The following GRHL2 variants were observed in gnomAD, a reference collection of about 807,000 sequenced individuals.
GRHL2 encodes the protein grainyhead-like protein 2 homolog.
GRHL2 carries 21 observed loss-of-function variants against 83.8 expected under a neutral mutation model. That is an observed-to-expected ratio of 0.25 (90% CI 0.18 to 0.36). The LOEUF (loss-of-function observed/expected upper bound fraction) is 0.36, where lower values mean the gene tolerates loss of function less well. Among genes scored for constraint, GRHL2 ranks in the 10% least tolerant of loss-of-function variants. GRHL2 has a pLI of 1.00. For synonymous variants in GRHL2, 280 were observed against 278.9 expected, an observed-to-expected ratio of 1.00 and a Z score of -0.04; for missense variants, 623 against 781.8, an observed-to-expected ratio of 0.80 and a Z score of 2.42.
intron 14 of GRHL2, among the ~76,000 whole-genome samples, chr8:101,650,753 C>T (rs1482941661): frequency 6.6e-6 from 1 of 151,720 alleles, no homozygotes; most frequent in Non-Finnish European, 1.5e-5. Flanking sequence ...TGTGAATCTA[C>T]TAAACAGCAC....
chr8:101,503,680 C>T (rs374231696), intron 1 of GRHL2, among the ~76,000 whole-genome samples: 2 of 152,044 alleles, frequency 1.3e-5, no homozygotes, highest in African/African-American at 4.8e-5. Flanking sequence ...ACCCTAAAAG[C>T]CTGGCTATCA....
intron 1 of GRHL2, among the ~76,000 whole-genome samples, chr8:101,505,665 T>C (rs1052080260): frequency 6.6e-6 from 1 of 151,978 alleles, no homozygotes. Context: ...TACAGTCTCC[T>C]TTTATCTTGT....
chr8:101,652,349 G>GTGTGTGTCTGATGT (rs753862872), intron 14 of GRHL2, among the ~76,000 whole-genome samples: 7 of 62,512 alleles, frequency 1.1e-4, no homozygotes, highest in African/African-American at 7.7e-4. Flanking sequence ...GTATGTGTGT[G>GTGTGTGTCTGATGT]GTGTGTGTGG....
At chr8:101,649,127 G>T (rs191987305) in intron 13 of GRHL2, among the ~76,000 whole-genome samples, 1 of 152,192 alleles carries the variant, frequency 6.6e-6, no homozygotes, top group Non-Finnish European at 1.5e-5. Flanking sequence ...AAAGAGATGC[G>T]ATGTACCCCT....
chr8:101,504,532 G>A (rs1810296001), intron 1 of GRHL2, among the ~76,000 whole-genome samples: 1 of 152,150 alleles, frequency 6.6e-6, no homozygotes, highest in East Asian at 1.9e-4. Flanking sequence ...GAATGTTCAT[G>A]GGAGAGACTT....
chr8:101,588,576 G>A (rs1812214706), intron 7 of GRHL2, among the ~76,000 whole-genome samples: 1 of 152,086 alleles, frequency 6.6e-6, no homozygotes, highest in Non-Finnish European at 1.5e-5. Context: ...GGCAGCCAGG[G>A]GTAAGTGGGA....
At chr8:101,679,593 C>A in the GRHL2 span, among the ~76,000 whole-genome samples, 1 of 150,386 alleles carries the variant, frequency 6.6e-6, no homozygotes, top group African/African-American at 2.5e-5. Context: ...AGATACTCCT[C>A]GAGAAGAGCA....
chr8:101,627,738 G>A (rs1813107702), intron 9 of GRHL2, among the ~76,000 whole-genome samples: 1 of 152,104 alleles, frequency 6.6e-6, no homozygotes, highest in Non-Finnish European at 1.5e-5. Context: ...AGTTCTTGAA[G>A]GAAATTAAAA....
At chr8:101,617,561 G>A (rs924476107) in intron 8 of GRHL2, among the ~76,000 whole-genome samples, 1 of 152,116 alleles carries the variant, frequency 6.6e-6, no homozygotes, top group African/African-American at 2.4e-5. Context: ...TGGGAGTGTA[G>A]TGGCGCAGTC....
At chr8:101,538,086 G>A (rs1053758523) in intron 1 of GRHL2, among the ~76,000 whole-genome samples, 3 of 152,186 alleles carry the variant, frequency 2.0e-5, no homozygotes, top group Non-Finnish European at 2.9e-5. Context: ...CATGCATTGC[G>A]TGACGGGCAC....
At chr8:101,641,908 A>G (rs1004221604) in intron 12 of GRHL2, among the ~76,000 whole-genome samples, 4 of 152,224 alleles carry the variant, frequency 2.6e-5, no homozygotes, top group Non-Finnish European at 5.9e-5. Context: ...ATTATTTATA[A>G]TACCTAATCC....
intron 4 of GRHL2, among the ~76,000 whole-genome samples, chr8:101,559,249 T>A (rs997200857): frequency 6.6e-6 from 1 of 150,628 alleles, no homozygotes; most frequent in African/African-American, 2.5e-5. Context: ...CGGTGGCTCA[T>A]GCCTGTAATC....
At chr8:101,582,098 C>T (rs535795387) in intron 7 of GRHL2, among the ~76,000 whole-genome samples, 45 of 152,128 alleles carry the variant, frequency 3.0e-4, no homozygotes, top group South Asian at 6.2e-4. Context: ...ATTAGCCGGA[C>T]GTGGTGGCGG....
At chr8:101,600,072 G>C (rs1022676572) in intron 8 of GRHL2, among the ~76,000 whole-genome samples, 3 of 152,210 alleles carry the variant, frequency 2.0e-5, no homozygotes, top group Admixed American at 2.0e-4. Context: ...TGCGAGCAGG[G>C]GGAAGGCTGG....
intron 9 of GRHL2, among the ~76,000 whole-genome samples, chr8:101,627,389 T>A (rs1446767080): frequency 6.6e-6 from 1 of 152,022 alleles, no homozygotes; most frequent in African/African-American, 2.4e-5. Flanking sequence ...ACTATTGTAA[T>A]TGTTTTGGGG....
intron 9 of GRHL2, among the ~76,000 whole-genome samples, chr8:101,623,027 C>T (rs1467701073): frequency 6.6e-6 from 1 of 152,230 alleles, no homozygotes; most frequent in Non-Finnish European, 1.5e-5. Flanking sequence ...CAGCCCATCA[C>T]TCTTAAAGGT....
chr8:101,609,457 G>A (rs893192604), intron 8 of GRHL2, among the ~76,000 whole-genome samples: 3 of 151,034 alleles, frequency 2.0e-5, no homozygotes, highest in African/African-American at 4.9e-5. Context: ...ATTAGGAAAC[G>A]CCTGATATAA....
At chr8:101,671,090 G>A (rs538067550), downstream of GRHL2, among the ~76,000 whole-genome samples, 3 of 152,302 alleles carry the variant, frequency 2.0e-5, no homozygotes, top group Admixed American at 6.5e-5. Context: ...CTCCCAGCAT[G>A]AGCAATGCAG....
chr8:101,593,932 G>T (rs1812336362), intron 7 of GRHL2, among the ~76,000 whole-genome samples: 1 of 151,960 alleles, frequency 6.6e-6, no homozygotes, highest in Non-Finnish European at 1.5e-5. Flanking sequence ...AGCCAGGCAT[G>T]GTGGCAGGTG....
Sources: allele counts gnomAD v4.1 joint callset (sites outside exome capture counted in the v4.1 genomes callset), GRCh38; gene constraint gnomAD v4.1.1; transcripts MANE v1.5; gene names NCBI Gene and HGNC (gene_info 2026-07-23, HGNC 2026-07-21).